RASGRF1: variants seen among roughly 807,000 people sequenced by gnomAD.
RASGRF1 encodes Ras protein specific guanine nucleotide releasing factor 1, also known as ras-specific guanine nucleotide-releasing factor 1.
A neutral mutation model predicts 138.7 loss-of-function variants in RASGRF1; 40 were observed. The ratio of observed to expected loss-of-function variants is 0.29; its 90% confidence interval spans 0.22 to 0.38. The LOEUF (loss-of-function observed/expected upper bound fraction) is 0.38, where lower values mean the gene tolerates loss of function less well. Among genes scored for constraint, RASGRF1 ranks in the 10% least tolerant of loss-of-function variants. The probability of loss-of-function intolerance (pLI) is 1.00; values close to 1 mark genes in which losing one functional copy is unlikely to be tolerated. For missense variants in RASGRF1, 1,108 were observed against 1,650.4 expected (o/e 0.67, Z 5.69); for synonymous variants, 614 against 663.2 (o/e 0.93, Z 1.14).
intron 1 of RASGRF1, among the ~76,000 whole-genome samples, chr15:79,065,752 C>A (rs1351585735): frequency 6.6e-6 from 1 of 152,108 alleles, no homozygotes; most frequent in Non-Finnish European, 1.5e-5. Flanking sequence ...TGGTGTGACA[C>A]TGAGCCAGAG....
chr15:78,986,531 G>C (rs111912366), intron 22 of RASGRF1, among the ~76,000 whole-genome samples: 89 of 152,094 alleles, frequency 5.9e-4, no homozygotes, highest in African/African-American at 2.1e-3. Context: ...ATTTTTAGTA[G>C]AGATGGGGTT....
intron 22 of RASGRF1, among the ~76,000 whole-genome samples, chr15:78,987,655 T>C (rs1464141263): frequency 2.0e-5 from 3 of 152,056 alleles, no homozygotes; most frequent in African/African-American, 2.4e-5. Flanking sequence ...GAGATTGTAC[T>C]ACTGCACTCC....
intron 9 of RASGRF1, among the ~76,000 whole-genome samples, chr15:79,026,371 A>G (rs766021546): frequency 2.6e-5 from 4 of 152,184 alleles, no homozygotes; most frequent in Non-Finnish European, 4.4e-5. Flanking sequence ...TCCTTGGGAA[A>G]GCCCTCGTGA....
intron 16 of RASGRF1, among the ~76,000 whole-genome samples, chr15:79,001,095 A>G (rs1292769938): frequency 1.3e-5 from 2 of 152,220 alleles, no homozygotes; most frequent in African/African-American, 2.4e-5. Context: ...AGGATCCTTC[A>G]GGATCAGGAG....
chr15:78,985,168 C>A lies in RASGRF1; in HGVS notation c.3253G>T (p.Glu1085Ter). 1 of 1,613,058 alleles carries A rather than the reference C, an allele frequency of 6.2e-7. No homozygotes were observed. Among genetic ancestry groups the A allele is most frequent in the Non-Finnish European group, 8.5e-7 (1 of 1,179,034 alleles). Reference sequence around the variant, plus strand: ...GCGCTCACCCTGGCGTTGATGTCCTCATTGCGGATGATTTCTGAAGCAATC... The same window carrying A: ...GCGCTCACCCTGGCGTTGATGTCCTAATTGCGGATGATTTCTGAAGCAATC... ...NLIASEIIRN[E>*]DINARVSAIE... Residue 1085 changes from glutamate (E) to a stop codon, truncating the protein, a stop_gained, in exon 23 of 27, where the codon GAG becomes TAG. Coordinates refer to ENST00000558480, the MANE Select transcript of RASGRF1 (RefSeq NM_001145648.3). LOFTEE classifies it high-confidence loss of function.
intron 2 of RASGRF1, among the ~76,000 whole-genome samples, chr15:79,059,425 TA>T (rs2057566276): frequency 1.5e-5 from 2 of 135,008 alleles, no homozygotes; most frequent in African/African-American, 2.8e-5. Flanking sequence ...TTCCCTTCCC[TA>T]TCCTCCCTTA....
Position 79,011,888 on chromosome 15 carries a change from C to T in RASGRF1, c.1826+3439G>A, listed in dbSNP as rs558675887. Among the ~76,000 whole-genome samples, 121 of 152,074 alleles carry T rather than the reference C, an allele frequency of 8.0e-4. No individual in the cohort carries two copies. The South Asian group carries it at 0.01, about 13-fold the overall frequency. ...ACTATTAGCCAGGTGTGGTGGTGCA[C>T]GCCTGTAGTCCCAGCTACTTGGGAG... On this transcript the variant is annotated intron_variant, in intron 13 of 26. Coordinates refer to ENST00000558480, the MANE Select transcript of RASGRF1 (RefSeq NM_001145648.3).
At chr15:79,071,364 C>CTT (rs71451741) in intron 1 of RASGRF1, among the ~76,000 whole-genome samples, 50 of 141,972 alleles carry the variant, frequency 3.5e-4, no homozygotes, top group Non-Finnish European at 4.8e-4. Flanking sequence ...TTTCTTTTTT[C>CTT]TTTTTTTTTT....
intron 1 of RASGRF1, among the ~76,000 whole-genome samples, chr15:79,086,579 C>A (rs975567602): frequency 5.4e-5 from 8 of 148,224 alleles, no homozygotes; most frequent in East Asian, 2.0e-4. Flanking sequence ...TCTAAGACCC[C>A]CCCCCCCCAG....
At chr15:79,055,773 C>T (rs771167262) in intron 3 of RASGRF1, among the ~76,000 whole-genome samples, 15 of 152,148 alleles carry the variant, frequency 9.9e-5, no homozygotes, top group African/African-American at 1.9e-4. Context: ...GGGTTCACAG[C>T]GCAAGCCCTA....
chr15:79,028,208 A>G (rs1390044488), intron 8 of RASGRF1, among the ~76,000 whole-genome samples: 1 of 152,176 alleles, frequency 6.6e-6, no homozygotes, highest in Non-Finnish European at 1.5e-5. Flanking sequence ...TGGGAAGGAT[A>G]TGGGAGCACA....
intron 24 of RASGRF1, chr15:78,980,299 T>C (rs747563148): frequency 1.8e-4 from 38 of 209,780 alleles, no homozygotes; most frequent in Non-Finnish European, 3.1e-4. Context: ...GTCAGAATTA[T>C]TAAAATGTGA....
rs1300472025 is a variant in RASGRF1 at position 79,090,370 on chromosome 15, C to A, written c.129G>T (p.Trp43Cys). Residue 43 changes from tryptophan (W) to cysteine (C), a missense_variant, in exon 1 of 27, where the codon TGG becomes TGT. Trp to Cys is a radical substitution (Grantham distance 215). Around this residue, in one of 3 missense-constraint regions of RASGRF1, gnomAD observed 253 missense variants for 329.5 expected, o/e 0.77. Coordinates refer to ENST00000558480, the MANE Select transcript of RASGRF1 (RefSeq NM_001145648.3). ...SSDNTKWQTK[W>C]FALLQNLLFY... ...AGAGCAGGTTCTGCAGCAGCGCGAA[C>A]CACTTGGTTTGCCATTTTGTGTTGT... is the stretch of plus-strand genomic sequence containing the variant. 1 of 1,613,752 alleles carries A rather than the reference C, an allele frequency of 6.2e-7. No individual in the cohort carries two copies. The highest frequency in any genetic ancestry group is 8.5e-7 in the Non-Finnish European group (1 of 1,179,988).
rs371601078 is a variant in RASGRF1 at position 79,074,810 on chromosome 15, C to A, written c.277-10284G>T. ...AAGACTTGGTGAACCACTTCTAAAG[C>A]CCCTGCAGGGCTGCAGAGATGGGCC... On this transcript the variant is annotated intron_variant, in intron 1 of 26. Transcript: ENST00000558480. Among the ~76,000 whole-genome samples, 46 of 152,314 alleles carry A rather than the reference C, an allele frequency of 3.0e-4. 2 individuals carry two copies. The South Asian group carries it at 9.3e-3, about 31-fold the overall frequency.
At position 79,090,628 on chromosome 15, in the gene RASGRF1, CA is replaced by C; in HGVS notation, c.-131del. The C allele has an allele frequency of 7.8e-7, 1 of 1,288,244 alleles. No homozygotes were observed. The highest frequency in any genetic ancestry group is 1.1e-6 in the Non-Finnish European group (1 of 933,496). 79.8% of individuals were successfully genotyped at this position (1,288,244 alleles called of 1,614,324 possible). A position where few individuals can be genotyped will look rare whatever the true frequency, so the allele number is the denominator to read the frequency against. On this transcript the variant is annotated 5_prime_UTR_variant, in exon 1 of 27. Transcript: ENST00000558480. ...GCTCCCTCTAGCTCTCCCCTCCCCCCAAATATCTACACTCCAGGATCTGGCG... is the reference window on the plus strand; with the variant it reads ...GCTCCCTCTAGCTCTCCCCTCCCCCCAATATCTACACTCCAGGATCTGGCG...
rs1206468756 is a variant in RASGRF1, at chr15:79,001,757, T to A, written c.2480A>T (p.Asp827Val). 1.9e-6 allele frequency: 3 copies of A among 1,604,858 alleles called. No homozygotes were observed. In the Admixed American group the frequency reaches 5.0e-5, roughly 27 times the overall value. Reference protein sequence around the residue: ...SSEVSMREESDIDQNQSDDGD... With the variant: ...SSEVSMREESVIDQNQSDDGD... ...ATCATCACTCTGGTTTTGATCAATA[T>A]CTGACTCCTCTCTCATGGAGACTTC... Residue 827 changes from aspartate to valine, a missense_variant, in exon 16 of 27, where the codon GAT becomes GTT. Asp to Val is a radical substitution (Grantham distance 152). This residue lies in a region of RASGRF1 where 686 missense variants were observed against 976.7 expected (regional missense o/e 0.70). Coordinates refer to ENST00000558480, the MANE Select transcript of RASGRF1 (RefSeq NM_001145648.3).
rs758369218 is a variant in RASGRF1, at chr15:78,984,996, C to T, written c.3414+11G>A. ...CCCAGGGAGGCAGTGGTGCCAGCCTCCTGCCCGCACCTGCTTAGAGACTTT... is the reference window on the plus strand; with the variant it reads ...CCCAGGGAGGCAGTGGTGCCAGCCTTCTGCCCGCACCTGCTTAGAGACTTT... On this transcript the variant is annotated intron_variant, in intron 23 of 26. Transcript: ENST00000558480. 2 of 1,612,928 alleles carry T rather than the reference C, an allele frequency of 1.2e-6. No homozygotes were observed. The highest frequency in any genetic ancestry group is 2.7e-5 in the African/African-American group (2 of 74,922).
chr15:79,001,612 C>T, intron 16 of RASGRF1, 50 bp downstream of exon 16: 1 of 1,596,882 alleles, frequency 6.3e-7, no homozygotes, highest in Non-Finnish European at 8.6e-7. Context: ...GACCTACTGC[C>T]CTCTCCCAAA....
chr15:79,025,334 C>T lies in RASGRF1; in HGVS notation c.1522G>A (p.Gly508Arg). The T allele has an allele frequency of 6.2e-7, 1 of 1,612,066 alleles. No individual in the cohort carries two copies. The highest frequency in any genetic ancestry group is 8.5e-7 in the Non-Finnish European group (1 of 1,178,550). The change falls in exon 10 of 27, where the codon GGG becomes AGG. Residue 508 changes from glycine (G) to arginine (R), a missense_variant. Transcript: ENST00000558480. ...CTTACCTTGGTCAAGTGAAGCTTCC[C>T]TCCAGAGCCTCTGGTACAGATAATC... ...HLIICTRGSGGKLHLTKNGVI... is the reference protein window; with the variant it reads ...HLIICTRGSGRKLHLTKNGVI...
Sources: gnomAD v4.1 joint callset for allele counts (sites outside exome capture counted in the v4.1 genomes callset) on GRCh38, gnomAD v4.1.1 for gene constraint, gnomAD v4.1.1 regional missense constraint, MANE v1.5 for transcripts, NCBI Gene and HGNC (gene_info 2026-07-23, HGNC 2026-07-21) for gene names.